SYNE1: variants seen among roughly 807,000 people sequenced by gnomAD.
SYNE1 encodes spectrin repeat containing nuclear envelope protein 1.
A neutral mutation model predicts 1,111.0 loss-of-function variants in SYNE1; 616 were observed. That is an observed-to-expected ratio of 0.55 (90% CI 0.52 to 0.59). SYNE1 has a LOEUF of 0.59. SYNE1 is among the 20% of genes least tolerant of loss of function. SYNE1 has a pLI of 0.00. For synonymous variants in SYNE1, 3,855 were observed against 3,825.8 expected (o/e 1.01, Z -0.28); for missense variants, 10,006 against 10,417.0 (o/e 0.96, Z 1.72).
chr6:152,193,993 G>A (rs1323908274), intron 127 of SYNE1, among the ~76,000 whole-genome samples: 3 of 142,096 alleles, frequency 2.1e-5, no homozygotes, highest in Admixed American at 1.4e-4. Context: ...AGCCTGGGCA[G>A]CAGAGCAAGA....
intron 52 of SYNE1, among the ~76,000 whole-genome samples, chr6:152,390,768 C>A (rs1004844471): frequency 1.3e-5 from 2 of 152,098 alleles, no homozygotes; most frequent in South Asian, 2.1e-4. Flanking sequence ...TGTCTAAAAC[C>A]CAGCAGTCCC....
At chr6:152,571,435 T>C (rs868232870) in intron 3 of SYNE1, among the ~76,000 whole-genome samples, 1 of 152,146 alleles carries the variant, frequency 6.6e-6, no homozygotes, top group Non-Finnish European at 1.5e-5. Flanking sequence ...GAATGGAGAA[T>C]ACATGTATAT....
chr6:152,255,779 T>C, intron 102 of SYNE1, 33 bp from the exon 103 acceptor site: 1 of 1,613,488 alleles, frequency 6.2e-7, no homozygotes, highest in South Asian at 1.1e-5. Context: ...AAATAATCAA[T>C]TTCAGTGTTT....
At chr6:152,199,441 T>C (rs1049351981) in intron 127 of SYNE1, among the ~76,000 whole-genome samples, 3 of 152,212 alleles carry the variant, frequency 2.0e-5, no homozygotes, top group African/African-American at 7.2e-5. Flanking sequence ...ATGCACTGAA[T>C]ACATTTTCTG....
At chr6:152,380,580 TAGG>T (rs1447336024) in intron 56 of SYNE1, 1 of 244,054 alleles carries the variant, frequency 4.1e-6, no homozygotes, top group Non-Finnish European at 8.0e-6. Flanking sequence ...TGCTGTGCTG[TAGG>T]AGATTACCAA....
chr6:152,124,237 C>T (rs754405294), intron 145 of SYNE1, among the ~76,000 whole-genome samples: 2 of 152,096 alleles, frequency 1.3e-5, no homozygotes, highest in Non-Finnish European at 2.9e-5. Context: ...ACCCGGGAGG[C>T]GGAGGCTGCA....
chr6:152,247,727 T>TTATATATATATATATA (rs1183787546), intron 105 of SYNE1, among the ~76,000 whole-genome samples: 1 of 117,784 alleles, frequency 8.5e-6, no homozygotes, highest in Admixed American at 9.2e-5. Context: ...ATATTTTTTA[T>TTATATATATATATATA]TATATATATA....
intron 80 of SYNE1, 88 bp downstream of exon 80, chr6:152,325,870 G>T: frequency 2.6e-6 from 4 of 1,513,146 alleles, no homozygotes; most frequent in Non-Finnish European, 3.6e-6. Context: ...AAAAAGTCCA[G>T]GTAGAAATGA....
At chr6:152,279,974 T>C (rs2093930801) in intron 97 of SYNE1, among the ~76,000 whole-genome samples, 1 of 152,126 alleles carries the variant, frequency 6.6e-6, no homozygotes, top group African/African-American at 2.4e-5. Flanking sequence ...AAACTGAATA[T>C]AATAATATGG....
chr6:152,156,845 T>G lies in SYNE1; in HGVS notation c.23791-748A>C, dbSNP rs191451169. On this transcript the variant is annotated intron_variant, in intron 131 of 145. Transcript: ENST00000367255. ...ATCCAAAGATTTACTTTTTTTTTTTTGGGATGGAGTCTCACTCTGTCACCC... is the reference window on the plus strand; with the variant it reads ...ATCCAAAGATTTACTTTTTTTTTTTGGGGATGGAGTCTCACTCTGTCACCC... 7.4e-3 allele frequency among the ~76,000 whole-genome samples: 1,129 copies of G among 152,168 alleles called. 5 individuals carry two copies. Among genetic ancestry groups the G allele is most frequent in the African/African-American group, 0.013 (555 of 41,518 alleles).
At chr6:152,505,926 G>A (rs1325624869) in intron 8 of SYNE1, among the ~76,000 whole-genome samples, 3 of 152,200 alleles carry the variant, frequency 2.0e-5, no homozygotes. Context: ...ACTTTCAAAT[G>A]CAGTAGAATA....
chr6:152,560,273 G>A (rs993473977), intron 3 of SYNE1, among the ~76,000 whole-genome samples: 3 of 152,166 alleles, frequency 2.0e-5, no homozygotes, highest in Admixed American at 6.5e-5. Flanking sequence ...GGCTGAGGTG[G>A]GAGAATCGCT....
In SYNE1 at chr6:152,321,219, T is replaced by C. The variant is rs1184723486; in HGVS notation, c.16236+19A>G. ...TATAAACAAAATGGAAAGACACTCT[T>C]TCTTGATCATAGGTTTACCTGATCT... On this transcript the variant is annotated intron_variant, in intron 84 of 145. Transcript: ENST00000367255. 11 of 1,613,106 alleles carry C rather than the reference T, an allele frequency of 6.8e-6. No homozygotes were observed. The highest frequency in any genetic ancestry group is 9.3e-6 in the Non-Finnish European group (11 of 1,179,592).
At chr6:152,318,340 T>C (rs1406308989) in intron 85 of SYNE1, 77 bp from the exon 86 acceptor site, 1 of 1,524,646 alleles carries the variant, frequency 6.6e-7, no homozygotes, top group Non-Finnish European at 9.0e-7. Flanking sequence ...TCAGACTGAT[T>C]TTTGTCAAAG....
chr6:152,220,477 G>A (rs2079905323), intron 119 of SYNE1, among the ~76,000 whole-genome samples: 1 of 150,782 alleles, frequency 6.6e-6, no homozygotes, highest in Non-Finnish European at 1.5e-5. Context: ...GTTAATGAAT[G>A]TAAATGGACA....
At chr6:152,382,697 C>T (rs1264871522) in intron 55 of SYNE1, among the ~76,000 whole-genome samples, 1 of 152,142 alleles carries the variant, frequency 6.6e-6, no homozygotes, top group East Asian at 1.9e-4. Flanking sequence ...CTATGTCTAA[C>T]TAATAGACCT....
chr6:152,355,776 C>T (rs1306956989), intron 66 of SYNE1, among the ~76,000 whole-genome samples: 1 of 152,106 alleles, frequency 6.6e-6, no homozygotes, highest in Non-Finnish European at 1.5e-5. Flanking sequence ...CAAATCCCAT[C>T]AACAATGTTA....
At chr6:152,268,610 TA>T (rs2092941501) in intron 99 of SYNE1, among the ~76,000 whole-genome samples, 1 of 152,216 alleles carries the variant, frequency 6.6e-6, no homozygotes, top group African/African-American at 2.4e-5. Context: ...ATCCTCTTGT[TA>T]TTTGAGAAAA....
chr6:152,383,675 T>C (rs1250889928), intron 55 of SYNE1, among the ~76,000 whole-genome samples: 1 of 152,238 alleles, frequency 6.6e-6, no homozygotes, highest in Non-Finnish European at 1.5e-5. Context: ...GTGCCCATTG[T>C]TCTATTTGCT....
Sources: gnomAD v4.1 joint callset for allele counts (sites outside exome capture counted in the v4.1 genomes callset) on GRCh38, gnomAD v4.1.1 for gene constraint, MANE v1.5 for transcripts, NCBI Gene and HGNC (gene_info 2026-07-23, HGNC 2026-07-21) for gene names.